ATP6V1B2: variants seen among roughly 807,000 people sequenced by gnomAD.
ATP6V1B2 encodes ATPase H+ transporting V1 subunit B2.
ATP6V1B2 carries 23 observed loss-of-function variants against 66.7 expected under a neutral mutation model. The ratio of observed to expected loss-of-function variants is 0.34; its 90% CI spans 0.25 to 0.49. The LOEUF (loss-of-function observed/expected upper bound fraction) is 0.49, where lower values mean the gene tolerates loss of function less well. ATP6V1B2 is among the 20% of genes least tolerant of loss of function. ATP6V1B2 has a pLI of 0.99. For missense variants in ATP6V1B2, 478 were observed against 650.8 expected, an observed-to-expected ratio of 0.73 and a Z score of 2.89; for synonymous variants, 278 against 236.7, an observed-to-expected ratio of 1.17 and a Z score of -1.60.
At chr8:20,204,058 A>G (rs756064760) in intron 1 of ATP6V1B2, 4 of 450,682 alleles carry the variant, frequency 8.9e-6, no homozygotes, top group African/African-American at 6.1e-5. Context: ...TGCGTCCTCT[A>G]TAAAGTTTTT....
Position 20,214,803 on chromosome 8 carries a change from T to C in ATP6V1B2, c.928-15T>C. ...AATATCGTGCATGATACTCTTCTGC[T>C]TGACCTGCTGTCAGGTTTCAGCAGC... On this transcript the variant is annotated splice_polypyrimidine_tract_variant and intron_variant, in intron 9 of 13. Transcript: ENST00000276390. 1 of 1,606,802 alleles carries C rather than the reference T, an allele frequency of 6.2e-7. No individual in the cohort carries two copies.
At position 20,209,429 on chromosome 8, in the gene ATP6V1B2, T is replaced by G. The variant is rs915523837; in HGVS notation, c.193-4T>G. 1 of 1,613,642 alleles carries G rather than the reference T, an allele frequency of 6.2e-7. No homozygotes were observed. Among genetic ancestry groups the G allele is most frequent in the Non-Finnish European group, 8.5e-7 (1 of 1,179,700 alleles). On this transcript the variant is annotated splice_polypyrimidine_tract_variant and splice_region_variant and intron_variant, in intron 2 of 13. Transcript: ENST00000276390. The stretch of plus-strand genomic sequence containing the variant: ...ATATTGATCCTTTATTTTTTTCTCT[T>G]TAGTTTCCCAGGTATGCTGAAATTG...
At chr8:20,212,410 G>A (rs997468680) in intron 8 of ATP6V1B2, among the ~76,000 whole-genome samples, 1 of 152,170 alleles carries the variant, frequency 6.6e-6, no homozygotes, top group Non-Finnish European at 1.5e-5. Context: ...GCTGATACTT[G>A]TCTCATGGAG....
At chr8:20,203,400 C>T (rs73669741) in intron 1 of ATP6V1B2, among the ~76,000 whole-genome samples, 2,124 of 152,284 alleles carry the variant, frequency 0.014, 44 homozygotes, top group African/African-American at 0.049. Flanking sequence ...TTTTAAATTC[C>T]AAAGCCACTT....
In ATP6V1B2 at chr8:20,220,983, G is replaced by A. The variant is rs2072901364; in HGVS notation, c.*581G>A. The stretch of plus-strand genomic sequence containing the variant: ...GAAAGGAGTTTTCTTTTTCTCTTTA[G>A]TACTTACGTATTGGGATTCCTGTGT... On this transcript the variant is annotated 3_prime_UTR_variant, in exon 14 of 14. Transcript: ENST00000276390. 1 of 152,074 alleles carries A rather than the reference G, an allele frequency of 6.6e-6. No homozygotes were observed. Among genetic ancestry groups the A allele is most frequent in the Admixed American group, 6.6e-5 (1 of 15,226 alleles). 9.4% of individuals were successfully genotyped at this position (152,074 alleles called of 1,614,324 possible). A position where few individuals can be genotyped will look rare whatever the true frequency, so the allele number is the denominator to read the frequency against.
chr8:20,209,315 G>C (rs2072769799), intron 2 of ATP6V1B2, 118 bp from the exon 3 acceptor site: 1 of 974,784 alleles, frequency 1.0e-6, no homozygotes, highest in South Asian at 1.6e-5. Flanking sequence ...AAAAACCTGT[G>C]TCTGTGAAGA....
intron 3 of ATP6V1B2, 40 bp downstream of exon 3, chr8:20,209,571 C>A: frequency 6.5e-7 from 1 of 1,544,936 alleles, no homozygotes; most frequent in Non-Finnish European, 8.9e-7. Flanking sequence ...TCCTAGTTGC[C>A]TACACATAGG....
intron 7 of ATP6V1B2, 141 bp downstream of exon 7, chr8:20,211,894 A>G (rs2072798792): frequency 1.2e-6 from 1 of 845,586 alleles, no homozygotes; most frequent in African/African-American, 1.7e-5. Flanking sequence ...ATTAAGGACT[A>G]AAATTTGGCA....
intron 12 of ATP6V1B2, 89 bp downstream of exon 12, chr8:20,217,413 C>G: frequency 2.6e-6 from 3 of 1,154,244 alleles, no homozygotes; most frequent in Non-Finnish European, 2.6e-6. Context: ...TACCACTTCT[C>G]TCTTCCCCAT....
At chr8:20,204,603 GTATACTT>G in intron 2 of ATP6V1B2, 64 bp downstream of exon 2, 1 of 1,401,492 alleles carries the variant, frequency 7.1e-7, no homozygotes, top group South Asian at 1.2e-5. Context: ...GTCCTATTTA[GTATACTT>G]TAAATTTTTG....
intron 2 of ATP6V1B2, among the ~76,000 whole-genome samples, chr8:20,207,768 C>G (rs1033361527): frequency 1.2e-4 from 18 of 148,504 alleles, no homozygotes; most frequent in African/African-American, 4.4e-4. Context: ...ATACCATAAG[C>G]AAAATTAAAA....
chr8:20,216,276 ACT>A (rs748790726), intron 10 of ATP6V1B2, 135 bp from the exon 11 acceptor site: 1 of 648,374 alleles, frequency 1.5e-6, no homozygotes, highest in East Asian at 2.8e-5. Context: ...ACAGAAAATG[ACT>A]CTAAGAACAC....
chr8:20,203,220 C>T, intron 1 of ATP6V1B2, among the ~76,000 whole-genome samples: 1 of 152,108 alleles, frequency 6.6e-6, no homozygotes, highest in East Asian at 1.9e-4. Flanking sequence ...TGGGGGGCCT[C>T]TATTGAGACA....
intron 12 of ATP6V1B2, 44 bp downstream of exon 12, chr8:20,217,368 G>A (rs761829875): frequency 4.5e-5 from 68 of 1,511,028 alleles, no homozygotes; most frequent in South Asian, 1.2e-4. Flanking sequence ...ATATGGATAC[G>A]TTTCTGCTGT....
chr8:20,199,793 T>C (rs1415241924), intron 1 of ATP6V1B2, among the ~76,000 whole-genome samples: 2 of 152,012 alleles, frequency 1.3e-5, no homozygotes, highest in African/African-American at 4.8e-5. Context: ...TGTATTTTAG[T>C]AGAGACGGGA....
chr8:20,211,577 G>C, intron 6 of ATP6V1B2, 75 bp from the exon 7 acceptor site: 1 of 1,477,528 alleles, frequency 6.8e-7, no homozygotes, highest in Non-Finnish European at 9.2e-7. Context: ...ATTCCAAAAA[G>C]TTTATGGTAA....
chr8:20,209,434 T>G lies in ATP6V1B2; in HGVS notation c.194T>G (p.Phe65Cys). 6.2e-7 allele frequency: 1 copy of G among 1,613,820 alleles called. No homozygotes were observed. The highest frequency in any genetic ancestry group is 1.1e-5 in the South Asian group (1 of 91,076). Residue 65 changes from phenylalanine to cysteine, a missense_variant and splice_region_variant, in exon 3 of 14, where the codon TTT becomes TGT. By Grantham distance (205) the Phe-to-Cys change is radical. Coordinates refer to ENST00000276390, the MANE Select transcript of ATP6V1B2 (RefSeq NM_001693.4). ...GATCCTTTATTTTTTTCTCTTTAGT[T>G]TCCCAGGTATGCTGAAATTGTCCAT... ...GPLVILDHVK[F>C]PRYAEIVHLT...
intron 2 of ATP6V1B2, among the ~76,000 whole-genome samples, chr8:20,204,995 A>C (rs767572477): frequency 6.6e-6 from 1 of 152,208 alleles, no homozygotes; most frequent in Non-Finnish European, 1.5e-5. Flanking sequence ...AGGCACCTGT[A>C]GAAACTAATC....
intron 12 of ATP6V1B2, among the ~76,000 whole-genome samples, chr8:20,217,666 A>G (rs1255503937): frequency 2.6e-5 from 4 of 152,230 alleles, no homozygotes; most frequent in Non-Finnish European, 4.4e-5. Flanking sequence ...TGCTTAACAT[A>G]TTAAGCCGTC....
Sources: gnomAD v4.1 joint callset for allele counts (sites outside exome capture counted in the v4.1 genomes callset) on GRCh38, gnomAD v4.1.1 for gene constraint, MANE v1.5 for transcripts, NCBI Gene and HGNC (gene_info 2026-07-23, HGNC 2026-07-21) for gene names.